Variants in ZNRF2 observed in about 807,000 individuals in gnomAD.
ZNRF2 encodes the protein zinc and ring finger 2.
In ZNRF2, 16 loss-of-function variants were observed where a neutral mutation model predicts 20.4. The observed-to-expected ratio is 0.79, with a 90% CI of 0.53 to 1.19. The LOEUF (loss-of-function observed/expected upper bound fraction) is 1.19, where lower values mean the gene tolerates loss of function less well. ZNRF2 is among the 50% of genes most tolerant of loss of function. The probability of loss-of-function intolerance (pLI) is 0.00; values close to 1 mark genes in which losing one functional copy is unlikely to be tolerated. For missense variants in ZNRF2, 363 were observed against 332.4 expected (o/e 1.09, Z -0.72); for synonymous variants, 178 against 144.9 (o/e 1.23, Z -1.64).
At chr7:30,341,843 G>A (rs1328579524) in intron 2 of ZNRF2, among the ~76,000 whole-genome samples, 1 of 152,022 alleles carries the variant, frequency 6.6e-6, no homozygotes, top group African/African-American at 2.4e-5. Flanking sequence ...CACTATTATT[G>A]TGTGGGAGTC....
chr7:30,312,026 C>T (rs2128060335), intron 1 of ZNRF2, among the ~76,000 whole-genome samples: 1 of 152,252 alleles, frequency 6.6e-6, no homozygotes, highest in Middle Eastern at 3.4e-3. Flanking sequence ...GCTAAAAGGT[C>T]ATTTAAAATA....
intron 2 of ZNRF2, among the ~76,000 whole-genome samples, chr7:30,336,158 T>TA (rs1192862852): frequency 9.2e-5 from 14 of 152,222 alleles, no homozygotes; most frequent in African/African-American, 2.9e-4. Context: ...GCAAACATTT[T>TA]AGAGAAGATT....
chr7:30,318,665 T>C (rs1583578903), intron 1 of ZNRF2, among the ~76,000 whole-genome samples: 2 of 152,308 alleles, frequency 1.3e-5, no homozygotes, highest in South Asian at 2.1e-4. Context: ...AAAAGTAGGG[T>C]TGGGCCACTG....
intron 1 of ZNRF2, among the ~76,000 whole-genome samples, chr7:30,308,373 A>G (rs781563155): frequency 1.3e-5 from 2 of 152,074 alleles, no homozygotes; most frequent in Non-Finnish European, 2.9e-5. Context: ...TTTTTTGTTA[A>G]TATGTATTCT....
chr7:30,316,236 C>A (rs1269402240), intron 1 of ZNRF2, among the ~76,000 whole-genome samples: 2 of 117,006 alleles, frequency 1.7e-5, no homozygotes, highest in African/African-American at 6.5e-5. Flanking sequence ...TGTGGTGAGT[C>A]AAGATTGCAC....
intron 1 of ZNRF2, among the ~76,000 whole-genome samples, chr7:30,304,826 G>A (rs897038659): frequency 2.0e-5 from 3 of 152,102 alleles, no homozygotes; most frequent in African/African-American, 7.2e-5. Context: ...GGGAAATAAA[G>A]GACTAGGGTG....
intron 1 of ZNRF2, among the ~76,000 whole-genome samples, chr7:30,311,154 G>T (rs1317922583): frequency 6.6e-6 from 1 of 152,100 alleles, no homozygotes; most frequent in African/African-American, 2.4e-5. Context: ...TTGTTTGCTG[G>T]CTCTGGGTCT....
chr7:30,288,955 T>G (rs1004656532), intron 1 of ZNRF2: 6 of 152,184 alleles, frequency 3.9e-5, no homozygotes, highest in Non-Finnish European at 8.8e-5. Context: ...GAGCATAATA[T>G]GAGTGGTCAA....
intron 2 of ZNRF2, among the ~76,000 whole-genome samples, chr7:30,354,336 T>C (rs575786131): frequency 1.3e-5 from 2 of 152,306 alleles, no homozygotes; most frequent in African/African-American, 4.8e-5. Context: ...TCCATTCAGC[T>C]GATATAAACC....
chr7:30,365,970 A>T (rs1386158923), intron 4 of ZNRF2, 65 bp from the exon 5 acceptor site: 1 of 152,162 alleles, frequency 6.6e-6, no homozygotes, highest in African/African-American at 2.4e-5. Context: ...TCAGAATAGT[A>T]AGTAAGGGTA....
intron 1 of ZNRF2, among the ~76,000 whole-genome samples, chr7:30,295,924 A>G (rs950874120): frequency 1.3e-5 from 2 of 152,168 alleles, no homozygotes; most frequent in African/African-American, 2.4e-5. Flanking sequence ...AACTGCTCAG[A>G]TTTTGCAAAA....
chr7:30,337,345 G>A lies in ZNRF2; in HGVS notation c.565+13608G>A, dbSNP rs1337932345. Among the ~76,000 whole-genome samples the A allele has an allele frequency of 2.6e-5, 4 of 152,024 alleles. No individual in the cohort carries two copies. The East Asian group carries it at 7.7e-4, about 29-fold the overall frequency. ...CACTTGCCAGCCAGCAAGTTAGCCT[G>A]GCTACATTTTTTTGGATTCCTACAG... is the stretch of plus-strand genomic sequence containing the variant. On this transcript the variant is annotated intron_variant, in intron 2 of 4. Coordinates refer to ENST00000323037, the MANE Select transcript of ZNRF2 (RefSeq NM_147128.4).
intron 2 of ZNRF2, among the ~76,000 whole-genome samples, chr7:30,343,520 G>T (rs1432541056): frequency 6.6e-6 from 1 of 151,888 alleles, no homozygotes; most frequent in Non-Finnish European, 1.5e-5. Flanking sequence ...AAATGTTGCT[G>T]CTGTTATATG....
At chr7:30,321,078 C>T (rs1370287654) in intron 1 of ZNRF2, among the ~76,000 whole-genome samples, 2 of 152,050 alleles carry the variant, frequency 1.3e-5, no homozygotes, top group Non-Finnish European at 2.9e-5. Flanking sequence ...TCTTCCCTGC[C>T]CGTTGCCGTG....
rs1481839171 is a variant in ZNRF2 at position 30,366,981 on chromosome 7, A to G, written c.*969A>G. ...CTCACATTTGGGTAAAATGTTTAGC[A>G]GGCTGTAAACTTAAGAAAAGGGTAA... On this transcript the variant is annotated 3_prime_UTR_variant, in exon 5 of 5. Coordinates refer to ENST00000323037, the MANE Select transcript of ZNRF2 (RefSeq NM_147128.4). The G allele has an allele frequency of 6.6e-6, 1 of 152,560 alleles. No individual in the cohort carries two copies. Among genetic ancestry groups the G allele is most frequent in the East Asian group, 1.9e-4 (1 of 5,206 alleles). The allele number at this position is 152,560 out of a possible 1,614,324, so 9.5% of individuals were successfully genotyped here. A position where few individuals can be genotyped will look rare whatever the true frequency, so the allele number is the denominator to read the frequency against.
intron 1 of ZNRF2, among the ~76,000 whole-genome samples, chr7:30,293,918 AG>A (rs1289670013): frequency 9.2e-5 from 14 of 152,230 alleles, no homozygotes; most frequent in Non-Finnish European, 1.6e-4. Flanking sequence ...AGTCTGTAAT[AG>A]TTCTTTAATT....
intron 3 of ZNRF2, among the ~76,000 whole-genome samples, chr7:30,356,632 A>G (rs1396130654): frequency 6.6e-6 from 1 of 152,128 alleles, no homozygotes; most frequent in Non-Finnish European, 1.5e-5. Flanking sequence ...GACAAAGCAA[A>G]CTTTACAGCA....
At chr7:30,301,897 G>C (rs1012539539) in intron 1 of ZNRF2, among the ~76,000 whole-genome samples, 1 of 152,146 alleles carries the variant, frequency 6.6e-6, no homozygotes, top group African/African-American at 2.4e-5. Flanking sequence ...ACGTGGACAG[G>C]AGCATGCTGC....
chr7:30,302,257 A>T (rs1458120137), intron 1 of ZNRF2, among the ~76,000 whole-genome samples: 1 of 152,224 alleles, frequency 6.6e-6, no homozygotes, highest in Non-Finnish European at 1.5e-5. Context: ...CATGGCTTAA[A>T]TGTTCTTTTG....
Sources: gnomAD v4.1 joint callset for allele counts (sites outside exome capture counted in the v4.1 genomes callset) on GRCh38, gnomAD v4.1.1 for gene constraint, MANE v1.5 for transcripts, NCBI Gene and HGNC (gene_info 2026-07-23, HGNC 2026-07-21) for gene names.